CHD4: variants seen among roughly 807,000 people sequenced by gnomAD.
CHD4 encodes ATP-dependent chromatin remodeler CHD4.
A neutral mutation model predicts 235.5 loss-of-function variants in CHD4; 35 were observed. The observed-to-expected ratio is 0.15, with a 90% CI of 0.11 to 0.20. The LOEUF (loss-of-function observed/expected upper bound fraction) is 0.20, where lower values mean the gene tolerates loss of function less well. Ranked by LOEUF, CHD4 falls within the 10% of genes least tolerant of loss-of-function variation. The pLI, the probability that CHD4 is intolerant of heterozygous loss-of-function variation, is 1.00. For synonymous variants in CHD4, 900 were observed against 850.2 expected (o/e 1.06, Z -1.02); for missense variants, 1,329 against 2,432.3 (o/e 0.55, Z 9.54).
At chr12:6,572,793 C>G (rs1040338230) in intron 38 of CHD4, 2 of 255,030 alleles carry the variant, frequency 7.8e-6, no homozygotes, top group African/African-American at 4.6e-5. Context: ...AACTCCTGAC[C>G]TCGTGATCCA....
chr12:6,587,264 A>G (rs1948315523), intron 25 of CHD4, 120 bp downstream of exon 25: 2 of 941,424 alleles, frequency 2.1e-6, no homozygotes, highest in South Asian at 3.3e-5. Context: ...AAGAGGATCA[A>G]TTCATCAACA....
chr12:6,590,171 C>G (rs1948368278), intron 22 of CHD4: 1 of 151,894 alleles, frequency 6.6e-6, no homozygotes, highest in Admixed American at 6.6e-5. Flanking sequence ...GCACTCCAAT[C>G]TGGGCAACAG....
In CHD4 at chr12:6,605,208, G is replaced by A. The variant is rs561345901; in HGVS notation, c.100+1066C>T. 2.6e-5 allele frequency among the ~76,000 whole-genome samples: 4 copies of A among 152,226 alleles called. No homozygotes were observed. In the South Asian group the frequency reaches 8.3e-4, roughly 32 times the overall value. Reference sequence around the variant, plus strand: ...AAGGCAGAAGTGAATGATGCTGGATGAGAAACAAAAACAGGATCAGCAGGC... The same window carrying A: ...AAGGCAGAAGTGAATGATGCTGGATAAGAAACAAAAACAGGATCAGCAGGC... On this transcript the variant is annotated intron_variant, in intron 2 of 39. Coordinates refer to ENST00000544040, the MANE Select transcript of CHD4 (RefSeq NM_001273.5).
chr12:6,605,500 C>T (rs1285709878), intron 2 of CHD4, among the ~76,000 whole-genome samples: 5 of 152,110 alleles, frequency 3.3e-5, no homozygotes, highest in African/African-American at 7.2e-5. Flanking sequence ...ACACAGATAG[C>T]GTAACCCCTA....
At chr12:6,605,664 C>G (rs1299461133) in intron 2 of CHD4, among the ~76,000 whole-genome samples, 2 of 152,160 alleles carry the variant, frequency 1.3e-5, no homozygotes, top group African/African-American at 4.8e-5. Flanking sequence ...CTATTACATC[C>G]TCCCCGAGCC....
intron 37 of CHD4, 153 bp downstream of exon 37, chr12:6,577,632 C>T: frequency 3.1e-6 from 3 of 977,686 alleles, no homozygotes; most frequent in Non-Finnish European, 4.6e-6. Flanking sequence ...TGTGTGTCTT[C>T]AACCCTAATG....
Position 6,602,090 on chromosome 12 carries a change from G to A in CHD4, c.308C>T (p.Ser103Leu). The A allele has an allele frequency of 6.2e-7, 1 of 1,613,478 alleles. No homozygotes were observed. The highest frequency in any genetic ancestry group is 8.5e-7 in the Non-Finnish European group (1 of 1,179,838). ...VEEEEEVALR[S>L]DSEGSDYTPG... is the part of the protein sequence containing the mutation. ...AGTATAGTCGCTGCCCTCACTGTCT[G>A]AGCGCAGAGCCACCTCTTCCTCCTC... The change falls in exon 4 of 40, where the codon TCA (serine) becomes TTA (leucine). Residue 103 changes from serine to leucine, a missense_variant. Around this residue, in one of 26 missense-constraint regions of CHD4, gnomAD observed 213 missense variants for 177.5 expected, o/e 1.20. Coordinates refer to ENST00000544040, the MANE Select transcript of CHD4 (RefSeq NM_001273.5).
At chr12:6,592,597 GAGA>G in intron 18 of CHD4, 31 bp from the exon 19 acceptor site, 6 of 1,583,264 alleles carry the variant, frequency 3.8e-6, no homozygotes, top group Non-Finnish European at 5.2e-6. Context: ...AAAGTTATTG[GAGA>G]AGGAGAAAGG....
chr12:6,593,280 C>T lies in CHD4; in HGVS notation c.2515-52G>A, dbSNP rs1948432413. 3.7e-6 allele frequency: 6 copies of T among 1,610,880 alleles called. No individual in the cohort carries two copies. The highest frequency in any genetic ancestry group is 1.3e-5 in the African/African-American group (1 of 74,884). On this transcript the variant is annotated intron_variant, in intron 16 of 39. Coordinates refer to ENST00000544040, the MANE Select transcript of CHD4 (RefSeq NM_001273.5). This position sits in a 1 kb window ranked among gnomAD's most constrained non-coding sequence, Gnocchi z 4.9. ...ACTAGTCAGTTCCTCTGTGTAAGCA[C>T]AACCAGGAGACTGATGGAATGTTTT... is the stretch of plus-strand genomic sequence containing the variant.
At position 6,589,805 on chromosome 12, in the gene CHD4, G is replaced by A. The variant is rs116817515; in HGVS notation, c.3341-1383C>T. On this transcript the variant is annotated intron_variant, in intron 22 of 39. Coordinates refer to ENST00000544040, the MANE Select transcript of CHD4 (RefSeq NM_001273.5). ...GAAAAGGACACATCATCACCTCTGT[G>A]GCATTCTTGCCCAGAATGTCTAATC... 5.1e-3 allele frequency among the ~76,000 whole-genome samples: 771 copies of A among 151,656 alleles called. 8 individuals carry two copies. The highest frequency in any genetic ancestry group is 0.018 in the African/African-American group (737 of 41,340).
rs753004819 is a variant in CHD4 at position 6,593,406 on chromosome 12, CCT to C, written c.2514+8_2514+9del. 464 of 1,613,200 alleles carry C rather than the reference CCT, an allele frequency of 2.9e-4. No homozygotes were observed. Among genetic ancestry groups the C allele is most frequent in the Non-Finnish European group, 3.6e-4 (428 of 1,179,372 alleles). ...TCTTTCTCTAGGGTGGCTTCCCTCC[CCT>C]GAGATACCTTCATGCGGGAGGCCTT... On this transcript the variant is annotated splice_region_variant and intron_variant, in intron 16 of 39. Transcript: ENST00000544040. The surrounding 1 kb of genome is among the most constrained non-coding windows in gnomAD (Gnocchi z 4.9).
rs572570864 is a variant in CHD4 at position 6,572,724 on chromosome 12, G to A, written c.5557+350C>T. 1.5e-4 allele frequency among the ~76,000 whole-genome samples: 23 copies of A among 152,256 alleles called. No individual in the cohort carries two copies. In the East Asian group the frequency reaches 4.3e-3, roughly 28 times the overall value. On this transcript the variant is annotated intron_variant, in intron 38 of 39. Coordinates refer to ENST00000544040, the MANE Select transcript of CHD4 (RefSeq NM_001273.5). The stretch of plus-strand genomic sequence containing the variant: ...AAGCGTGCGTTGCGCCACATGCCCA[G>A]CTAATTTTTCTATTTTTAGTAGAGA...
chr12:6,581,833 A>C lies in CHD4; in HGVS notation c.4516-19T>G. 6.6e-7 allele frequency: 1 copy of C among 1,506,560 alleles called. No individual in the cohort carries two copies. The highest frequency in any genetic ancestry group is 1.4e-5 in the South Asian group (1 of 73,022). The allele number at this position is 1,506,560 out of a possible 1,614,324, so 93.3% of individuals were successfully genotyped here. ...CCTGAACCTGTAGCAATGGGACAAG[A>C]AGTTGAAGACCCAATTCCAGCTACA... On this transcript the variant is annotated intron_variant, in intron 30 of 39. Coordinates refer to ENST00000544040, the MANE Select transcript of CHD4 (RefSeq NM_001273.5).
rs1401638534 is a variant in CHD4, at chr12:6,591,586, G to A, written c.3223-3C>T. On this transcript the variant is annotated splice_polypyrimidine_tract_variant and splice_region_variant and intron_variant, in intron 21 of 39. Transcript: ENST00000544040. Reference sequence around the variant, plus strand: ...AGCAGGTCTAGCATCTTGGTCATCTGCAAAAGAAGCACGGTTTAATTATGG... The same window carrying A: ...AGCAGGTCTAGCATCTTGGTCATCTACAAAAGAAGCACGGTTTAATTATGG... 10 of 1,613,752 alleles carry A rather than the reference G, an allele frequency of 6.2e-6. No homozygotes were observed. In the African/African-American group the frequency reaches 6.7e-5, roughly 11 times the overall value.
intron 22 of CHD4, among the ~76,000 whole-genome samples, chr12:6,589,539 C>A (rs1171774524): frequency 2.0e-5 from 3 of 152,004 alleles, no homozygotes; most frequent in Admixed American, 2.0e-4. Flanking sequence ...GAAGCTGAGG[C>A]GGGTGGTTCA....
Position 6,601,981 on chromosome 12 carries a change from C to G in CHD4, c.417G>C (p.Glu139Asp), listed in dbSNP as rs1639122. ...KSKRKEEEEE[E>D]DDDDDSKEPK... ...GCACCTTTGAATCATCATCATCATC[C>G]TCCTCCTCCTCCTCCTCCTTCCGCT... The change falls in exon 4 of 40, where the codon GAG (glutamate) becomes GAC (aspartate). Residue 139 changes from glutamate to aspartate, a missense_variant. Glu to Asp is a conservative substitution (Grantham distance 45). Coordinates refer to ENST00000544040, the MANE Select transcript of CHD4 (RefSeq NM_001273.5). 6.7e-7 allele frequency: 1 copy of G among 1,502,240 alleles called. No individual in the cohort carries two copies. The highest frequency in any genetic ancestry group is 9.1e-7 in the Non-Finnish European group (1 of 1,103,970). The allele number at this position is 1,502,240 out of a possible 1,614,324, so 93.1% of individuals were successfully genotyped here. A position where few individuals can be genotyped will look rare whatever the true frequency, so the allele number is the denominator to read the frequency against.
intron 35 of CHD4, 121 bp from the exon 36 acceptor site, chr12:6,578,258 CT>C: frequency 1.5e-5 from 20 of 1,351,942 alleles, no homozygotes; most frequent in Non-Finnish European, 2.0e-5. Flanking sequence ...ATATAATTTG[CT>C]TCTGGCTTTC....
At chr12:6,585,344 G>C (rs575181292) in intron 25 of CHD4, among the ~76,000 whole-genome samples, 27 of 151,874 alleles carry the variant, frequency 1.8e-4, no homozygotes, top group Admixed American at 3.3e-4. Flanking sequence ...GAGTGCAGTG[G>C]GGCAATCTTG....
intron 2 of CHD4, among the ~76,000 whole-genome samples, chr12:6,603,344 G>A (rs1310320179): frequency 6.6e-6 from 1 of 151,982 alleles, no homozygotes; most frequent in Non-Finnish European, 1.5e-5. Context: ...CATTCACACT[G>A]GCTCCGACTC....
Sources: gnomAD v4.1 joint callset for allele counts (sites outside exome capture counted in the v4.1 genomes callset) on GRCh38, gnomAD v4.1.1 for gene constraint, gnomAD v4.1.1 regional missense constraint, Gnocchi (gnomAD v3.1) non-coding constraint, MANE v1.5 for transcripts, NCBI Gene and HGNC (gene_info 2026-07-23, HGNC 2026-07-21) for gene names.